RASA4: variants seen among roughly 807,000 people sequenced by gnomAD.
The protein encoded by RASA4 is ras GTPase-activating protein 4.
RASA4 carries 5 observed loss-of-function variants against 24.0 expected under a neutral mutation model. That is an observed-to-expected ratio of 0.21 (90% CI 0.11 to 0.44). RASA4 has a LOEUF of 0.44. Among genes scored for constraint, RASA4 ranks in the 20% least tolerant of loss-of-function variants. The probability of loss-of-function intolerance (pLI) is 0.99; values close to 1 mark genes in which losing one functional copy is unlikely to be tolerated. For missense variants in RASA4, 38 were observed against 293.0 expected (o/e 0.13, Z 6.35); for synonymous variants, 9 against 132.7 (o/e 0.07, Z 6.41).
At chr7:102,598,361 ATAT>A (rs1790323888) in intron 8 of RASA4, among the ~76,000 whole-genome samples, 5 of 119,758 alleles carry the variant, frequency 4.2e-5, no homozygotes, top group African/African-American at 1.5e-4. Context: ...AAAAAAAAAA[ATAT>A]ATATATATAT....
chr7:102,595,567 CAGG>C, intron 10 of RASA4, 64 bp downstream of exon 10: 2 of 914,976 alleles, frequency 2.2e-6, no homozygotes, highest in Non-Finnish European at 3.2e-6. Context: ...CTGCCTCCTA[CAGG>C]AGGAGCCCAC....
Position 102,605,959 on chromosome 7 carries a change from C to T in RASA4, c.327G>A (p.Glu109=). 6.2e-7 allele frequency: 1 copy of T among 1,609,922 alleles called. No homozygotes were observed. Among genetic ancestry groups the T allele is most frequent in the African/African-American group, 1.3e-5 (1 of 74,966 alleles). The change falls in exon 5 of 21, where the codon GAG becomes GAA. Residue 109 remains glutamate (E), a synonymous_variant. Coordinates refer to ENST00000262940, the MANE Select transcript of RASA4 (RefSeq NM_006989.6). ...KGFSGWAHLT[E]VDPDEEVQGE... The stretch of plus-strand genomic sequence containing the variant: ...CCTGCACCTCCTCATCGGGGTCGAC[C>T]TCCGTCAGGTGGGCCCACCCGCTGA...
intron 5 of RASA4, among the ~76,000 whole-genome samples, chr7:102,605,171 C>T (rs1790581397): frequency 7.0e-6 from 1 of 143,180 alleles, no homozygotes; most frequent in African/African-American, 2.4e-5. Context: ...CACACACTCC[C>T]ACCAGGCCAA....
chr7:102,604,032 T>C (rs1790498005), intron 5 of RASA4, among the ~76,000 whole-genome samples: 1 of 147,942 alleles, frequency 6.8e-6, no homozygotes, highest in Non-Finnish European at 1.5e-5. Context: ...GGCGTGGTGG[T>C]GCACACCTGT....
At chr7:102,613,386 CAG>C (rs1382826744) in intron 1 of RASA4, among the ~76,000 whole-genome samples, 1 of 58,446 alleles carries the variant, frequency 1.7e-5, no homozygotes, top group African/African-American at 5.4e-5. Flanking sequence ...ACTGAGGCAA[CAG>C]GGGACCTCCG....
At chr7:102,587,097 AAAC>A (rs759682675) in intron 18 of RASA4, among the ~76,000 whole-genome samples, 543 of 11,960 alleles carry the variant, frequency 0.045, 6 homozygotes, top group African/African-American at 0.1. Context: ...ACTCAGTATC[AAAC>A]AACAACAACA....
In RASA4 at chr7:102,596,017, TG is replaced by T; in HGVS notation, c.849del (p.Met284CysfsTer7). The T allele has an allele frequency of 1.6e-6, 1 of 631,084 alleles. No individual in the cohort carries two copies. Among genetic ancestry groups the T allele is most frequent in the Non-Finnish European group, 2.7e-6 (1 of 373,842 alleles). 39.1% of individuals were successfully genotyped at this position (631,084 alleles called of 1,614,324 possible). A position where few individuals can be genotyped will look rare whatever the true frequency, so the allele number is the denominator to read the frequency against. ...VHLLCHEVKLGMQGPGQLIPL... is the reference protein window; with the variant it reads ...VHLLCHEVKLXMQGPGQLIPL... Reference sequence around the variant, plus strand: ...CCCTGCCCAGGCCCCCTCACCTGCATGCCCAGCTTGACCTCGTGGCACAGCA... The same window carrying T: ...CCCTGCCCAGGCCCCCTCACCTGCATCCCAGCTTGACCTCGTGGCACAGCA... On this transcript the variant is annotated frameshift_variant, in exon 9 of 21. Coordinates refer to ENST00000262940, the MANE Select transcript of RASA4 (RefSeq NM_006989.6). LOFTEE classifies it high-confidence loss of function.
intron 10 of RASA4, 53 bp from the exon 11 acceptor site, chr7:102,595,422 G>C: frequency 8.1e-7 from 1 of 1,235,208 alleles, no homozygotes; most frequent in South Asian, 1.4e-5. Flanking sequence ...TTTTGGGGGA[G>C]GGGGAGGACA....
chr7:102,589,951 CCCACAGCACCCAGGGCA>C (rs1789891787), intron 17 of RASA4, among the ~76,000 whole-genome samples, 191 bp downstream of exon 17: 1 of 9,734 alleles, frequency 1.0e-4, no homozygotes, highest in African/African-American at 2.6e-4. Flanking sequence ...CCAGGCCATT[CCCACAGCACCCAGGGCA>C]TTCCCATAGC....
At chr7:102,605,605 T>C (rs1179693083) in intron 5 of RASA4, among the ~76,000 whole-genome samples, 11 of 149,898 alleles carry the variant, frequency 7.3e-5, no homozygotes, top group African/African-American at 2.7e-4. Context: ...AGACAGGGTC[T>C]CACCATGGTG....
chr7:102,606,036 C>G, intron 4 of RASA4, 49 bp from the exon 5 acceptor site: 1 of 1,573,872 alleles, frequency 6.4e-7, no homozygotes, highest in Non-Finnish European at 8.6e-7. Context: ...CCCATACCCT[C>G]CACCCTCAGC....
In RASA4 at chr7:102,605,869, C is replaced by A. The variant is rs1790621849; in HGVS notation, c.417G>T (p.Val139=). Residue 139 remains valine (V), a synonymous_variant, in exon 5 of 21, where the codon GTG becomes GTT. Transcript: ENST00000262940. ...CCCCTGAGTCTCACCTGGCCTCCAG[C>A]ACAGAGCAGCGTAGCCGGCAGGCCC... ...GARACRLRCS[V]LEARDLAPKD... is the part of the protein sequence containing the mutation. 1 of 1,569,382 alleles carries A rather than the reference C, an allele frequency of 6.4e-7. No individual in the cohort carries two copies. Among genetic ancestry groups the A allele is most frequent in the South Asian group, 1.2e-5 (1 of 86,494 alleles).
intron 8 of RASA4, among the ~76,000 whole-genome samples, chr7:102,597,776 G>A (rs1330096022): frequency 1.2e-4 from 15 of 125,082 alleles, no homozygotes; most frequent in Admixed American, 3.3e-4. Context: ...GTGCAGTGGT[G>A]GGATCTCGGC....
At chr7:102,590,802 T>C (rs1262055110) in intron 16 of RASA4, among the ~76,000 whole-genome samples, 3 of 141,488 alleles carry the variant, frequency 2.1e-5, no homozygotes, top group Admixed American at 6.9e-5. Context: ...TAGCCGGGCA[T>C]GGTGGCGCAT....
chr7:102,599,403 C>T (rs1250619288), intron 8 of RASA4, among the ~76,000 whole-genome samples: 5 of 72,406 alleles, frequency 6.9e-5, no homozygotes, highest in Non-Finnish European at 9.5e-5. Context: ...TTGGGGAGGC[C>T]GAGGCGGGTG....
In RASA4 at chr7:102,586,222, CT is replaced by C. The variant is rs1789779571; in HGVS notation, c.2104+1412del. Among the ~76,000 whole-genome samples the C allele has an allele frequency of 2.7e-4, 5 of 18,716 alleles. No individual in the cohort carries two copies. The South Asian group carries it at 6.2e-3, about 23-fold the overall frequency. The allele number at this position is 18,716 out of a possible 152,430, so 12.3% of individuals were successfully genotyped here. On this transcript the variant is annotated intron_variant, in intron 18 of 20. Coordinates refer to ENST00000262940, the MANE Select transcript of RASA4 (RefSeq NM_006989.6). ...GTGGCTCACTCCTACAATCTCAGCA[CT>C]TTGGGAGGCCGAGGCAGGAGGATTG...
Position 102,580,612 on chromosome 7 carries a change from C to T in RASA4, c.*2159G>A, listed in dbSNP as rs1586829744. On this transcript the variant is annotated 3_prime_UTR_variant, in exon 21 of 21. Coordinates refer to ENST00000262940, the MANE Select transcript of RASA4 (RefSeq NM_006989.6). ...ATCTCAGCACTTTCGGAGGCCAAGG[C>T]GGTCAGATCACCTGAGGTCAGGAGT... 1 of 42,994 alleles carries T rather than the reference C, an allele frequency of 2.3e-5. No homozygotes were observed. The highest frequency in any genetic ancestry group is 5.2e-5 in the African/African-American group (1 of 19,308). 2.7% of individuals were successfully genotyped at this position (42,994 alleles called of 1,614,324 possible).
At chr7:102,603,701 C>T (rs1174285509) in intron 5 of RASA4, among the ~76,000 whole-genome samples, 2 of 152,374 alleles carry the variant, frequency 1.3e-5, no homozygotes, top group East Asian at 1.9e-4. Flanking sequence ...CTGGGTGCAG[C>T]GGCTCATTCC....
At chr7:102,597,575 G>A (rs1477327856) in intron 8 of RASA4, among the ~76,000 whole-genome samples, 1 of 105,264 alleles carries the variant, frequency 9.5e-6, no homozygotes, top group African/African-American at 2.9e-5. Flanking sequence ...AGAGGTGCCC[G>A]CCACCACATC....
Sources: gnomAD v4.1 joint callset for allele counts (sites outside exome capture counted in the v4.1 genomes callset) on GRCh38, gnomAD v4.1.1 for gene constraint, MANE v1.5 for transcripts, NCBI Gene and HGNC (gene_info 2026-07-23, HGNC 2026-07-21) for gene names.